SLC1A7: variants seen among roughly 807,000 people sequenced by gnomAD.
The protein encoded by SLC1A7 is solute carrier family 1 member 7.
SLC1A7 carries 40 observed loss-of-function variants against 47.7 expected under a neutral mutation model. The ratio of observed to expected loss-of-function variants is 0.84; its 90% CI spans 0.65 to 1.09. SLC1A7 has a LOEUF of 1.09. Among genes scored for constraint, SLC1A7 ranks in the 50% least tolerant of loss-of-function variants. SLC1A7 has a pLI of 0.00. For synonymous variants in SLC1A7, 323 were observed against 325.6 expected (o/e 0.99, Z 0.09); for missense variants, 746 against 769.5 (o/e 0.97, Z 0.36).
At chr1:53,123,453 G>A (rs2150339034) in intron 2 of SLC1A7, among the ~76,000 whole-genome samples, 1 of 152,336 alleles carries the variant, frequency 6.6e-6, no homozygotes, top group Non-Finnish European at 1.5e-5. Context: ...TGCCCACCCT[G>A]CCCGGTGTTG....
chr1:53,093,647 C>A, intron 5 of SLC1A7, 87 bp from the exon 6 acceptor site: 2 of 943,116 alleles, frequency 2.1e-6, no homozygotes, highest in Non-Finnish European at 3.2e-6. Flanking sequence ...TTCCCAGCAG[C>A]CTTGATGCTC....
intron 10 of SLC1A7, 65 bp downstream of exon 10, chr1:53,088,812 C>G (rs1474708447): frequency 7.7e-7 from 1 of 1,291,386 alleles, no homozygotes; most frequent in East Asian, 2.4e-5. Flanking sequence ...GGTGGAAGAT[C>G]TGGTGCCCTG....
chr1:53,098,183 G>T (rs1644522559), intron 5 of SLC1A7, among the ~76,000 whole-genome samples: 2 of 140,608 alleles, frequency 1.4e-5, no homozygotes, highest in Admixed American at 1.4e-4. Context: ...ACACTCACAT[G>T]CACTGCCTCA....
intron 7 of SLC1A7, among the ~76,000 whole-genome samples, chr1:53,091,233 C>T (rs1212719149): frequency 3.3e-5 from 5 of 152,252 alleles, no homozygotes; most frequent in South Asian, 2.1e-4. Flanking sequence ...TAAACGACTA[C>T]GGGCTTGGAC....
At chr1:53,130,532 C>T (rs888204875) in intron 2 of SLC1A7, among the ~76,000 whole-genome samples, 3 of 149,322 alleles carry the variant, frequency 2.0e-5, no homozygotes, top group Middle Eastern at 3.2e-3. Context: ...AGCCAGGACA[C>T]ACTGCAGAAA....
rs546756092 is a variant in SLC1A7, at chr1:53,113,612, G to A, written c.431+1146C>T. ...TTCCCCATCCCCAGGGCCACCACTT[G>A]GCCCTGTCCCTGGCTCTGCCTTCCC... On this transcript the variant is annotated intron_variant, in intron 3 of 10. Coordinates refer to ENST00000371494, the MANE Select transcript of SLC1A7 (RefSeq NM_006671.6). Among the ~76,000 whole-genome samples, 39 of 152,098 alleles carry A rather than the reference G, an allele frequency of 2.6e-4. 1 individual carries two copies. The East Asian group carries it at 6.6e-3, about 26-fold the overall frequency.
At chr1:53,088,280 C>G in intron 10 of SLC1A7, 53 bp from the exon 11 acceptor site, 1 of 1,435,548 alleles carries the variant, frequency 7.0e-7, no homozygotes, top group Non-Finnish European at 9.5e-7. Flanking sequence ...AGGTTAGATA[C>G]GAGGGAGGAC....
Position 53,088,105 on chromosome 1 carries a change from G to T in SLC1A7, c.1587C>A (p.His529Gln). ...SELTLGPTCP[H>Q]HVPVQVEQDE... Reference sequence around the variant, plus strand: ...CCTGCTCCACTTGAACGGGGACGTGGTGGGGGCAGGTGGGGCCCAGGGTGA... The same window carrying T: ...CCTGCTCCACTTGAACGGGGACGTGTTGGGGGCAGGTGGGGCCCAGGGTGA... The change falls in exon 11 of 11, where the codon CAC becomes CAA. Residue 529 changes from histidine to glutamine, a missense_variant. His to Gln is a conservative substitution (Grantham distance 24, BLOSUM62 0). Coordinates refer to ENST00000371494, the MANE Select transcript of SLC1A7 (RefSeq NM_006671.6). 6.2e-7 allele frequency: 1 copy of T among 1,612,354 alleles called. No homozygotes were observed. Among genetic ancestry groups the T allele is most frequent in the Middle Eastern group, 1.7e-4 (1 of 6,018 alleles).
At chr1:53,120,005 C>T (rs1412720722) in intron 2 of SLC1A7, among the ~76,000 whole-genome samples, 4 of 152,224 alleles carry the variant, frequency 2.6e-5, no homozygotes, top group Non-Finnish European at 5.9e-5. Flanking sequence ...GAGGCTGGAA[C>T]TCCCTCCTAA....
At chr1:53,110,504 G>A (rs1382807059) in intron 3 of SLC1A7, among the ~76,000 whole-genome samples, 1 of 152,136 alleles carries the variant, frequency 6.6e-6, no homozygotes, top group Non-Finnish European at 1.5e-5. Context: ...CACGTGAAAA[G>A]CAACCCAAGA....
At chr1:53,127,110 A>T (rs1644891502) in intron 2 of SLC1A7, among the ~76,000 whole-genome samples, 1 of 128,488 alleles carries the variant, frequency 7.8e-6, no homozygotes, top group African/African-American at 2.9e-5. Context: ...TTTTTAAAAT[A>T]TGAAAACATC....
intron 1 of SLC1A7, among the ~76,000 whole-genome samples, chr1:53,140,232 A>G (rs1645043037): frequency 6.6e-6 from 1 of 152,220 alleles, no homozygotes; most frequent in Non-Finnish European, 1.5e-5. Flanking sequence ...TTGCATTTCC[A>G]AACAGATGGG....
chr1:53,106,253 C>T (rs1329994336), intron 3 of SLC1A7, among the ~76,000 whole-genome samples: 3 of 151,902 alleles, frequency 2.0e-5, no homozygotes, highest in East Asian at 1.9e-4. Flanking sequence ...GGGCCTAACA[C>T]GGGACCTCGC....
In SLC1A7 at chr1:53,130,125, A is replaced by G. The variant is rs185949489; in HGVS notation, c.215+4225T>C. ...TAACGACACTCAGCTCATGCAGGTCACACACAGCGTCAGCATTGGAGACAG... is the reference window on the plus strand; with the variant it reads ...TAACGACACTCAGCTCATGCAGGTCGCACACAGCGTCAGCATTGGAGACAG... On this transcript the variant is annotated intron_variant, in intron 2 of 10. Coordinates refer to ENST00000371494, the MANE Select transcript of SLC1A7 (RefSeq NM_006671.6). Among the ~76,000 whole-genome samples the G allele has an allele frequency of 9.8e-5, 15 of 152,380 alleles. No homozygotes were observed. The East Asian group carries it at 2.5e-3, about 26-fold the overall frequency.
At chr1:53,098,587 C>T (rs1159595476) in intron 5 of SLC1A7, among the ~76,000 whole-genome samples, 1 of 151,508 alleles carries the variant, frequency 6.6e-6, no homozygotes, top group Non-Finnish European at 1.5e-5. Flanking sequence ...TGCCTCGGTA[C>T]ACACATACAC....
Position 53,129,946 on chromosome 1 carries a change from G to A in SLC1A7, c.215+4404C>T, listed in dbSNP as rs1001356104. ...ACGGAGGGGGCCATGCCGCTGGCCC[G>A]ACCCCTTGACAGTGGCTTTCTTGTT... On this transcript the variant is annotated intron_variant, in intron 2 of 10. Coordinates refer to ENST00000371494, the MANE Select transcript of SLC1A7 (RefSeq NM_006671.6). Among the ~76,000 whole-genome samples the A allele has an allele frequency of 5.8e-4, 88 of 152,244 alleles. 7 individuals carry two copies. Among genetic ancestry groups the A allele is most frequent in the African/African-American group, 1.9e-3 (80 of 41,538 alleles).
At chr1:53,106,555 G>A (rs1212466827) in intron 3 of SLC1A7, among the ~76,000 whole-genome samples, 2 of 150,474 alleles carry the variant, frequency 1.3e-5, no homozygotes, top group East Asian at 2.0e-4. Context: ...AGCCGAGATC[G>A]CGCCACTGCA....
Position 53,088,016 on chromosome 1 carries a change from T to G in SLC1A7, c.1676A>C (p.Asn559Thr). ...CCCTGCAGCTCCGCAGGCTCAGACA[T>G]TGGTCTCCAGCTCACTGATCTGGAT... ...CTIQISELET[N>T]V The change falls in exon 11 of 11, where the codon AAT (asparagine) becomes ACT (threonine). Residue 559 changes from asparagine (N) to threonine (T), a missense_variant. Coordinates refer to ENST00000371494, the MANE Select transcript of SLC1A7 (RefSeq NM_006671.6). The G allele has an allele frequency of 6.6e-7, 1 of 1,504,676 alleles. No individual in the cohort carries two copies. The highest frequency in any genetic ancestry group is 8.9e-7 in the Non-Finnish European group (1 of 1,117,662). 93.2% of individuals were successfully genotyped at this position (1,504,676 alleles called of 1,614,324 possible).
chr1:53,106,471 GC>G, intron 3 of SLC1A7, among the ~76,000 whole-genome samples: 1 of 151,954 alleles, frequency 6.6e-6, no homozygotes, highest in African/African-American at 2.4e-5. Flanking sequence ...GGGCACGGTG[GC>G]GGGTGCCTGT....
Sources: allele counts gnomAD v4.1 joint callset (sites outside exome capture counted in the v4.1 genomes callset), GRCh38; gene constraint gnomAD v4.1.1; transcripts MANE v1.5; gene names NCBI Gene and HGNC (gene_info 2026-07-23, HGNC 2026-07-21).